The following AKT2 variants were observed in gnomAD, a reference collection of about 807,000 sequenced individuals.
AKT2 encodes the protein AKT serine/threonine kinase 2, also known as RAC-beta serine/threonine-protein kinase.
A neutral mutation model predicts 58.6 loss-of-function variants in AKT2; 16 were observed. The ratio of observed to expected loss-of-function variants is 0.27; its 90% CI spans 0.18 to 0.41. The LOEUF (loss-of-function observed/expected upper bound fraction) is 0.41, where lower values mean the gene tolerates loss of function less well. Ranked by LOEUF, AKT2 falls within the 10% of genes least tolerant of loss-of-function variation. The probability of loss-of-function intolerance (pLI) is 1.00; values close to 1 mark genes in which losing one functional copy is unlikely to be tolerated. For missense variants in AKT2, 438 were observed against 661.0 expected (o/e 0.66, Z 3.70); for synonymous variants, 253 against 254.0 (o/e 1.00, Z 0.04).
rs1183294054 is a variant in AKT2 at position 40,234,004 on chromosome 19, A to C, written c.1367-53T>G. The C allele has an allele frequency of 1.9e-6, 3 of 1,559,072 alleles. No homozygotes were observed. Among genetic ancestry groups the C allele is most frequent in the Non-Finnish European group, 2.6e-6 (3 of 1,144,370 alleles). ...GACCAGTCAGGAGAGGGCCTGGGACACCTGCCCAGACTCCCTGGGGAAACG... is the reference window on the plus strand; with the variant it reads ...GACCAGTCAGGAGAGGGCCTGGGACCCCTGCCCAGACTCCCTGGGGAAACG... On this transcript the variant is annotated intron_variant, in intron 13 of 13. Transcript: ENST00000392038. The surrounding 1 kb of genome is among the most constrained non-coding windows in gnomAD (Gnocchi z 4.7).
chr19:40,263,004 G>C (rs1202659474), intron 2 of AKT2, among the ~76,000 whole-genome samples: 1 of 152,210 alleles, frequency 6.6e-6, no homozygotes, highest in Non-Finnish European at 1.5e-5. Context: ...CGTGTGTGTA[G>C]GGTGCAAACC....
Position 40,238,737 on chromosome 19 carries a change from G to A in AKT2, c.708+168C>T, listed in dbSNP as rs978885514. 5.3e-5 allele frequency among the ~76,000 whole-genome samples: 8 copies of A among 152,128 alleles called. No homozygotes were observed. Among genetic ancestry groups the A allele is most frequent in the African/African-American group, 1.9e-4 (8 of 41,410 alleles). ...CCACTTAACCTCTCTGAGCCTCAGT[G>A]ACTGCCCCCCCAAAATGGAGACGAA... On this transcript the variant is annotated intron_variant, in intron 8 of 13. Coordinates refer to ENST00000392038, the MANE Select transcript of AKT2 (RefSeq NM_001626.6). This position sits in a 1 kb window ranked among gnomAD's most constrained non-coding sequence, Gnocchi z 5.1.
chr19:40,276,437 C>T (rs1283339937), intron 1 of AKT2, among the ~76,000 whole-genome samples: 1 of 125,556 alleles, frequency 8.0e-6, no homozygotes, highest in East Asian at 2.8e-4. Context: ...GCGATCTTGG[C>T]TCACTGCAAC....
At chr19:40,277,201 T>C (rs1351859902) in intron 1 of AKT2, among the ~76,000 whole-genome samples, 1 of 152,172 alleles carries the variant, frequency 6.6e-6, no homozygotes, top group Admixed American at 6.5e-5. Context: ...AGCCATGCAG[T>C]GGCAGCTAAT....
intron 1 of AKT2, chr19:40,275,445 T>C (rs1568572200): frequency 5.1e-6 from 2 of 388,972 alleles, no homozygotes; most frequent in Non-Finnish European, 1.0e-5. Flanking sequence ...GCACCAGGCA[T>C]GGATTAATGT....
chr19:40,234,977 G>A lies in AKT2; in HGVS notation c.1366+68C>T. On this transcript the variant is annotated intron_variant, in intron 13 of 13. Coordinates refer to ENST00000392038, the MANE Select transcript of AKT2 (RefSeq NM_001626.6). This position sits in a 1 kb window ranked among gnomAD's most constrained non-coding sequence, Gnocchi z 4.7. ...TTCGAGGGCCCTCCTTGAGAAGTGA[G>A]TTAAGAGCAGATCCCATCCCTCCAC... is the stretch of plus-strand genomic sequence containing the variant. 7.1e-7 allele frequency: 1 copy of A among 1,403,068 alleles called. No homozygotes were observed. The highest frequency in any genetic ancestry group is 1.0e-6 in the Non-Finnish European group (1 of 990,254). 86.9% of individuals were successfully genotyped at this position (1,403,068 alleles called of 1,614,324 possible).
chr19:40,268,086 C>A (rs1037960763), intron 1 of AKT2, among the ~76,000 whole-genome samples: 32 of 151,514 alleles, frequency 2.1e-4, no homozygotes, highest in African/African-American at 7.3e-4. Context: ...ATGGCTGGGA[C>A]TGAGAGAAGC....
chr19:40,248,140 C>T (rs1317545090), intron 4 of AKT2, among the ~76,000 whole-genome samples: 2 of 152,192 alleles, frequency 1.3e-5, no homozygotes, highest in Non-Finnish European at 2.9e-5. Flanking sequence ...TGGATCCCAG[C>T]TCTGCCCCTT....
chr19:40,246,154 T>C (rs1275617008), intron 4 of AKT2, among the ~76,000 whole-genome samples: 3 of 152,094 alleles, frequency 2.0e-5, no homozygotes, highest in African/African-American at 7.2e-5. Flanking sequence ...GACAGGCTTT[T>C]TTCTTTTTTG....
In AKT2 at chr19:40,237,795, G is replaced by C. The variant is rs557138776; in HGVS notation, c.831+174C>G. ...CTTGGTGGGGAGCCTGGTGAATGAG[G>C]GCAGCCACCACCCTGGACCTTGGTG... On this transcript the variant is annotated intron_variant, in intron 9 of 13. Transcript: ENST00000392038. This position sits in a 1 kb window ranked among gnomAD's most constrained non-coding sequence, Gnocchi z 4.5. 2 of 903,138 alleles carry C rather than the reference G, an allele frequency of 2.2e-6. No homozygotes were observed. Among genetic ancestry groups the C allele is most frequent in the East Asian group, 5.7e-5 (2 of 34,850 alleles). 55.9% of individuals were successfully genotyped at this position (903,138 alleles called of 1,614,324 possible). A position where few individuals can be genotyped will look rare whatever the true frequency, so the allele number is the denominator to read the frequency against.
intron 2 of AKT2, among the ~76,000 whole-genome samples, chr19:40,262,733 T>G (rs1976054534): frequency 6.6e-6 from 1 of 152,212 alleles, no homozygotes; most frequent in African/African-American, 2.4e-5. Flanking sequence ...TTCCAGTCTG[T>G]AAGGTGGCAT....
chr19:40,244,517 T>C (rs1974626224), intron 4 of AKT2: 1 of 152,210 alleles, frequency 6.6e-6, no homozygotes, highest in African/African-American at 2.4e-5. Context: ...TAGGCTGAAT[T>C]ACACCAAATT....
In AKT2 at chr19:40,235,790, C is replaced by T. The variant is rs1479551968; in HGVS notation, c.1175+100G>A. 6 of 1,256,294 alleles carry T rather than the reference C, an allele frequency of 4.8e-6. No individual in the cohort carries two copies. Among genetic ancestry groups the T allele is most frequent in the Non-Finnish European group, 5.4e-6 (5 of 917,436 alleles). The allele number at this position is 1,256,294 out of a possible 1,614,324, so 77.8% of individuals were successfully genotyped here. On this transcript the variant is annotated intron_variant, in intron 11 of 13. Transcript: ENST00000392038. The surrounding 1 kb of genome is among the most constrained non-coding windows in gnomAD (Gnocchi z 6.3). ...GCTGTGTGGGGACGACACACTGCGA[C>T]CCTACAAGCGAGCACCCTTGTGGAC...
At chr19:40,281,328 C>CA (rs961095547) in intron 1 of AKT2, among the ~76,000 whole-genome samples, 9 of 152,044 alleles carry the variant, frequency 5.9e-5, no homozygotes, top group African/African-American at 1.9e-4. Flanking sequence ...CCCGTTTCCA[C>CA]AAAAAATTTA....
chr19:40,240,339 CA>C lies in AKT2; in HGVS notation c.574-230del, dbSNP rs778748519. On this transcript the variant is annotated intron_variant, in intron 6 of 13. Transcript: ENST00000392038. Reference sequence around the variant, plus strand: ...AGGTGAAAAGTCAGCAGGAATGTCACAATGTAAGGACCAGGCTGCTAGGGAC... The same window carrying C: ...AGGTGAAAAGTCAGCAGGAATGTCACATGTAAGGACCAGGCTGCTAGGGAC... The C allele has an allele frequency of 2.5e-5, 18 of 717,590 alleles. No individual in the cohort carries two copies. In the African/African-American group the frequency reaches 3.1e-4, roughly 12 times the overall value. The allele number at this position is 717,590 out of a possible 1,614,324, so 44.5% of individuals were successfully genotyped here.
At chr19:40,256,840 C>T in intron 3 of AKT2, 86 bp downstream of exon 3, 1 of 1,595,568 alleles carries the variant, frequency 6.3e-7, no homozygotes, top group African/African-American at 1.3e-5. Context: ...AGGCCCATGG[C>T]TCAATGACCA....
chr19:40,262,550 A>G (rs1162872054), intron 2 of AKT2, among the ~76,000 whole-genome samples: 1 of 152,212 alleles, frequency 6.6e-6, no homozygotes, highest in Non-Finnish European at 1.5e-5. Flanking sequence ...CTCTGATTAG[A>G]TGTGCTATTA....
chr19:40,238,898 G>T lies in AKT2; in HGVS notation c.708+7C>A, dbSNP rs375480876. 3.1e-6 allele frequency: 5 copies of T among 1,614,050 alleles called. No individual in the cohort carries two copies. Among genetic ancestry groups the T allele is most frequent in the Non-Finnish European group, 3.4e-6 (4 of 1,179,996 alleles). ...CAGAGGGCAAAGTCAAGGCAGCCGC[G>T]GCTCACCTCACCCCCGTTGGCATAC... is the stretch of plus-strand genomic sequence containing the variant. On this transcript the variant is annotated splice_region_variant and intron_variant, in intron 8 of 13. Transcript: ENST00000392038. This position sits in a 1 kb window ranked among gnomAD's most constrained non-coding sequence, Gnocchi z 5.1.
rs901900853 is a variant in AKT2, at chr19:40,237,765, T to C, written c.831+204A>G. 3.5e-5 allele frequency: 25 copies of C among 711,954 alleles called. No individual in the cohort carries two copies. The highest frequency in any genetic ancestry group is 5.3e-5 in the Non-Finnish European group (23 of 437,680). 44.1% of individuals were successfully genotyped at this position (711,954 alleles called of 1,614,324 possible). A position where few individuals can be genotyped will look rare whatever the true frequency, so the allele number is the denominator to read the frequency against. ...GCAACTTGCCACAGAGCCACCACCC[T>C]GGACCTTGGTGGGGAGCCTGGTGAA... is the stretch of plus-strand genomic sequence containing the variant. On this transcript the variant is annotated intron_variant, in intron 9 of 13. Coordinates refer to ENST00000392038, the MANE Select transcript of AKT2 (RefSeq NM_001626.6). This position sits in a 1 kb window ranked among gnomAD's most constrained non-coding sequence, Gnocchi z 4.5.
Sources: allele counts gnomAD v4.1 joint callset (sites outside exome capture counted in the v4.1 genomes callset), GRCh38; gene constraint gnomAD v4.1.1; non-coding constraint Gnocchi (gnomAD v3.1); transcripts MANE v1.5; gene names NCBI Gene and HGNC (gene_info 2026-07-23, HGNC 2026-07-21).